GON4L: variants seen among roughly 807,000 people sequenced by gnomAD.
The protein encoded by GON4L is GON-4-like protein.
In GON4L, 87 loss-of-function variants were observed where a neutral mutation model predicts 211.8. The ratio of observed to expected loss-of-function variants is 0.41; its 90% confidence interval spans 0.35 to 0.49. GON4L has a LOEUF of 0.49. Ranked by LOEUF, GON4L falls within the 20% of genes least tolerant of loss-of-function variation. The pLI, the probability that GON4L is intolerant of heterozygous loss-of-function variation, is 0.15. For missense variants in GON4L, 2,155 were observed against 2,659.5 expected (o/e 0.81, Z 4.17); for synonymous variants, 875 against 962.6 (o/e 0.91, Z 1.68).
intron 19 of GON4L, among the ~76,000 whole-genome samples, chr1:155,769,710 C>T (rs920262125): frequency 3.3e-5 from 5 of 152,094 alleles, no homozygotes; most frequent in African/African-American, 9.7e-5. Context: ...CAAGGTATCA[C>T]AATAACATAG....
At chr1:155,820,155 C>G (rs1668608850) in intron 6 of GON4L, among the ~76,000 whole-genome samples, 1 of 152,258 alleles carries the variant, frequency 6.6e-6, no homozygotes, top group South Asian at 2.1e-4. Flanking sequence ...TTCAAGTGAT[C>G]CATCTGCCTC....
intron 18 of GON4L, 130 bp from the exon 19 acceptor site, chr1:155,771,347 G>C (rs1171574774): frequency 7.1e-6 from 9 of 1,258,908 alleles, no homozygotes; most frequent in Non-Finnish European, 1.0e-5. Flanking sequence ...TGTCACCCAG[G>C]CTGGAGTGCA....
At position 155,793,412 on chromosome 1, in the gene GON4L, T is replaced by C. The variant is rs59293055; in HGVS notation, c.1747+1638A>G. ...TAATTAGGTATATCTTGGATGTTTA[T>C]AAAGCTCTCTGCATAACCTGGTCAA... On this transcript the variant is annotated intron_variant, in intron 12 of 31. Transcript: ENST00000368331. Among the ~76,000 whole-genome samples, 857 of 152,346 alleles carry C rather than the reference T, an allele frequency of 5.6e-3. 7 individuals carry two copies. Among genetic ancestry groups the C allele is most frequent in the African/African-American group, 0.019 (810 of 41,592 alleles).
At chr1:155,838,831 T>A (rs533000719) in intron 2 of GON4L, among the ~76,000 whole-genome samples, 1 of 150,914 alleles carries the variant, frequency 6.6e-6, no homozygotes, top group African/African-American at 2.4e-5. Context: ...TATAATGAGA[T>A]AAATGCTTAT....
At chr1:155,824,473 G>T (rs1054931303) in intron 3 of GON4L, among the ~76,000 whole-genome samples, 1 of 138,502 alleles carries the variant, frequency 7.2e-6, no homozygotes, top group African/African-American at 2.7e-5. Context: ...GGCTAGGCAC[G>T]GTGGCTCATG....
Position 155,751,972 on chromosome 1 carries a change from A to C in GON4L, c.6461T>G (p.Val2154Gly). Residue 2154 changes from valine to glycine, a missense_variant, in exon 30 of 32, where the codon GTC (valine) becomes GGC (glycine). By Grantham distance (109) the Val-to-Gly change is moderately radical. This residue lies in a region of GON4L where 186 missense variants were observed against 308.1 expected (regional missense o/e 0.60). Coordinates refer to ENST00000368331, the MANE Select transcript of GON4L (RefSeq NM_001282860.2). ...CACCCTTACCTACCTTGTCCACAGGACAACCTTTTCCCCAGTGGAGCTGAC... is the reference window on the plus strand; with the variant it reads ...CACCCTTACCTACCTTGTCCACAGGCCAACCTTTTCCCCAGTGGAGCTGAC... ...SKVSSTGEKV[V>G]LWTREADRVI... 1 of 1,612,148 alleles carries C rather than the reference A, an allele frequency of 6.2e-7. No homozygotes were observed. Among genetic ancestry groups the C allele is most frequent in the Non-Finnish European group, 8.5e-7 (1 of 1,178,410 alleles).
chr1:155,775,250 G>C, intron 16 of GON4L, 77 bp from the exon 17 acceptor site: 1 of 1,578,964 alleles, frequency 6.3e-7, no homozygotes, highest in Non-Finnish European at 8.7e-7. Context: ...ATCTAAATGA[G>C]AAGCTGACCT....
At chr1:155,784,806 G>C (rs1177452115) in intron 13 of GON4L, 1 of 208,672 alleles carries the variant, frequency 4.8e-6, no homozygotes. Context: ...AATGACAGTA[G>C]GGGAAGTCAT....
chr1:155,846,464 AG>A (rs1671254321), intron 2 of GON4L: 1 of 147,048 alleles, frequency 6.8e-6, no homozygotes, highest in South Asian at 2.2e-4. Context: ...CGGAGCTTGC[AG>A]GGAGCCGAGA....
intron 21 of GON4L, chr1:155,764,355 T>A (rs1022601713): frequency 6.1e-6 from 1 of 162,856 alleles, no homozygotes; most frequent in Non-Finnish European, 1.3e-5. Context: ...CGACCTCAGG[T>A]GATCTGCCCG....
chr1:155,773,025 G>A, intron 18 of GON4L, 41 bp downstream of exon 18: 1 of 1,608,786 alleles, frequency 6.2e-7, no homozygotes, highest in Non-Finnish European at 8.5e-7. Context: ...TCTTCTCCTT[G>A]GGATGTTCTG....
intron 2 of GON4L, among the ~76,000 whole-genome samples, chr1:155,840,272 T>A (rs1670656323): frequency 6.6e-6 from 1 of 152,224 alleles, no homozygotes; most frequent in Admixed American, 6.5e-5. Flanking sequence ...AAATTTAACT[T>A]CAAGATTAGT....
At chr1:155,790,798 G>T (rs1203271942) in intron 12 of GON4L, among the ~76,000 whole-genome samples, 1 of 151,676 alleles carries the variant, frequency 6.6e-6, no homozygotes, top group Non-Finnish European at 1.5e-5. Flanking sequence ...ACAAAAATTA[G>T]CTGGGCATGG....
At chr1:155,753,490 C>G (rs1285148425) in intron 28 of GON4L, 76 bp from the exon 29 acceptor site, 2 of 1,089,342 alleles carry the variant, frequency 1.8e-6, no homozygotes, top group African/African-American at 3.1e-5. Flanking sequence ...AAGGAAGAAG[C>G]CCTGCCTGAT....
At chr1:155,779,123 G>C (rs1433610754) in intron 14 of GON4L, among the ~76,000 whole-genome samples, 2 of 151,304 alleles carry the variant, frequency 1.3e-5, no homozygotes, top group Non-Finnish European at 2.9e-5. Context: ...GCGCAGTCGT[G>C]GGGGCCTGTA....
intron 11 of GON4L, among the ~76,000 whole-genome samples, chr1:155,796,750 G>A (rs1666105598): frequency 6.6e-6 from 1 of 151,866 alleles, no homozygotes; most frequent in Non-Finnish European, 1.5e-5. Context: ...ATCTATACAT[G>A]TATTGTATTG....
At chr1:155,798,567 G>A (rs1301808352) in intron 11 of GON4L, among the ~76,000 whole-genome samples, 7 of 132,476 alleles carry the variant, frequency 5.3e-5, no homozygotes, top group East Asian at 2.2e-4. Flanking sequence ...CCGCCACCAC[G>A]TCAGGCTAAT....
At chr1:155,826,782 A>G (rs1483715903) in intron 3 of GON4L, 55 bp downstream of exon 3, 3 of 1,179,466 alleles carry the variant, frequency 2.5e-6, no homozygotes, top group African/African-American at 3.0e-5. Flanking sequence ...AGTTTTCTAC[A>G]TATTATACTT....
downstream of GON4L, chr1:155,745,685 C>G (rs1197385983): frequency 4.2e-6 from 3 of 721,880 alleles, no homozygotes; most frequent in Non-Finnish European, 6.8e-6. Context: ...AAAGGATCGG[C>G]GCATCATTTC....
Sources: gnomAD v4.1 joint callset for allele counts (sites outside exome capture counted in the v4.1 genomes callset) on GRCh38, gnomAD v4.1.1 for gene constraint, gnomAD v4.1.1 regional missense constraint, MANE v1.5 for transcripts, NCBI Gene and HGNC (gene_info 2026-07-23, HGNC 2026-07-21) for gene names.